Variants in DNAH14 observed in about 807,000 individuals in gnomAD.
The protein encoded by DNAH14 is dynein axonemal heavy chain 14.
Under a neutral mutation model 520.9 loss-of-function variants are expected in DNAH14, and 478 were observed. The observed-to-expected ratio is 0.92, with a 90% CI of 0.85 to 0.99. The LOEUF is 0.99. Among genes scored for constraint, DNAH14 ranks in the 50% least tolerant of loss-of-function variants. DNAH14 has a pLI of 0.00. For synonymous variants in DNAH14, 1,581 were observed against 1,757.2 expected, an observed-to-expected ratio of 0.90 and a Z score of 2.51; for missense variants, 4,831 against 5,234.5, an observed-to-expected ratio of 0.92 and a Z score of 2.38.
chr1:225,190,912 C>T (rs1451495667), intron 37 of DNAH14, among the ~76,000 whole-genome samples: 5 of 151,964 alleles, frequency 3.3e-5, no homozygotes, highest in Non-Finnish European at 7.4e-5. Context: ...ACTACCAATC[C>T]AGTAGAACTG....
intron 60 of DNAH14, among the ~76,000 whole-genome samples, chr1:225,314,418 C>T (rs1021517323): frequency 6.6e-6 from 1 of 152,186 alleles, no homozygotes; most frequent in Non-Finnish European, 1.5e-5. Flanking sequence ...TTAATTGGGG[C>T]ATTTAGCCCA....
intron 17 of DNAH14, among the ~76,000 whole-genome samples, chr1:225,052,618 A>G (rs1407956420): frequency 6.6e-6 from 1 of 152,212 alleles, no homozygotes; most frequent in African/African-American, 2.4e-5. Flanking sequence ...AGAAAATGCT[A>G]GCTGAAATAC....
chr1:224,952,810 T>G (rs553800146), intron 2 of DNAH14, 31 bp downstream of exon 2: 2 of 1,514,732 alleles, frequency 1.3e-6, no homozygotes, highest in East Asian at 2.4e-5. Flanking sequence ...AATGAGTTTT[T>G]TTCTAAAGTA....
At chr1:224,967,681 G>A in intron 6 of DNAH14, 98 bp downstream of exon 6, 3 of 1,598,422 alleles carry the variant, frequency 1.9e-6, no homozygotes, top group Non-Finnish European at 2.6e-6. Context: ...GTGTTTCAGA[G>A]ATACTTGGTC....
At chr1:225,025,334 A>ATG (rs1491527725) in intron 11 of DNAH14, among the ~76,000 whole-genome samples, 1 of 17,152 alleles carries the variant, frequency 5.8e-5, no homozygotes, top group African/African-American at 7.0e-5. Context: ...CTTATCTCAA[A>ATG]TATATATATA....
At chr1:225,389,645 A>G in intron 82 of DNAH14, 89 bp from the exon 83 acceptor site, 1 of 1,404,350 alleles carries the variant, frequency 7.1e-7, no homozygotes, top group Non-Finnish European at 9.6e-7. Context: ...AAAGTAAAAG[A>G]AGGGCCCTGG....
At chr1:225,089,077 T>G (rs1302206852) in intron 21 of DNAH14, among the ~76,000 whole-genome samples, 1 of 151,786 alleles carries the variant, frequency 6.6e-6, no homozygotes, top group Non-Finnish European at 1.5e-5. Flanking sequence ...CAGAAAAGTG[T>G]AGAGAAAGGA....
chr1:225,184,753 AAGAG>A (rs942040812), intron 36 of DNAH14, among the ~76,000 whole-genome samples: 40 of 151,926 alleles, frequency 2.6e-4, no homozygotes, highest in Admixed American at 5.2e-4. Context: ...TCTTAAAAAA[AAGAG>A]AGAGAGAGAG....
At chr1:225,085,985 TC>T (rs2073726108) in intron 21 of DNAH14, among the ~76,000 whole-genome samples, 196 bp downstream of exon 21, 1 of 152,066 alleles carries the variant, frequency 6.6e-6, no homozygotes, top group Non-Finnish European at 1.5e-5. Flanking sequence ...TGAGAAAATG[TC>T]AAAGTTTAAT....
intron 36 of DNAH14, among the ~76,000 whole-genome samples, chr1:225,183,054 A>AAG (rs36090741): frequency 0.15 from 23,441 of 152,166 alleles, 2,112 homozygotes; most frequent in East Asian, 0.36. Context: ...GTGCGGTGTG[A>AAG]AGAGACTCCT....
chr1:225,225,155 C>T (rs2090420015), intron 41 of DNAH14, among the ~76,000 whole-genome samples: 1 of 152,126 alleles, frequency 6.6e-6, no homozygotes, highest in South Asian at 2.1e-4. Flanking sequence ...ACTAGCTAAA[C>T]AAATTATCCT....
rs889901009 is a variant in DNAH14 at position 225,097,333 on chromosome 1, A to G, written c.3695+94A>G. 5 of 1,233,704 alleles carry G rather than the reference A, an allele frequency of 4.1e-6. No individual in the cohort carries two copies. In the African/African-American group the frequency reaches 4.5e-5, roughly 11 times the overall value. The allele number at this position is 1,233,704 out of a possible 1,614,324, so 76.4% of individuals were successfully genotyped here. A position where few individuals can be genotyped will look rare whatever the true frequency, so the allele number is the denominator to read the frequency against. ...TTGAGAAATCATTTCTTCAATGAAC[A>G]AACTATCTTATCCTACCTACAGACA... On this transcript the variant is annotated intron_variant, in intron 22 of 85. Transcript: ENST00000682510.
intron 58 of DNAH14, among the ~76,000 whole-genome samples, chr1:225,306,132 C>CAAGTATAGGCCTGACATTTACATAAGCA: frequency 6.6e-6 from 1 of 152,282 alleles, no homozygotes; most frequent in South Asian, 2.1e-4. Context: ...GTGCTGCAGG[C>CAAGTATAGGCCTGACATTTACATAAGCA]AAGTATAGGC....
chr1:225,217,886 C>G (rs917209179), intron 41 of DNAH14, among the ~76,000 whole-genome samples: 1 of 152,184 alleles, frequency 6.6e-6, no homozygotes, highest in African/African-American at 2.4e-5. Flanking sequence ...CCATGGGCTG[C>G]ACCTACTGTC....
At chr1:225,042,775 A>G (rs2067597574) in intron 12 of DNAH14, 60 bp from the exon 13 acceptor site, 3 of 1,483,288 alleles carry the variant, frequency 2.0e-6, no homozygotes, top group African/African-American at 2.8e-5. Flanking sequence ...TGTATTCTAA[A>G]TTAAATGTTC....
chr1:225,250,583 G>A (rs1305909241), intron 43 of DNAH14: 5 of 440,358 alleles, frequency 1.1e-5, no homozygotes, highest in Non-Finnish European at 2.1e-5. Context: ...AAAGGGAACT[G>A]GAAACGGTTT....
intron 43 of DNAH14, among the ~76,000 whole-genome samples, chr1:225,249,816 A>AT (rs1384204396): frequency 1.3e-5 from 2 of 152,224 alleles, no homozygotes; most frequent in Non-Finnish European, 2.9e-5. Flanking sequence ...TTCAATAAGC[A>AT]TTTTAAGAAA....
chr1:225,017,126 C>T (rs2065275346), intron 10 of DNAH14, among the ~76,000 whole-genome samples: 2 of 151,966 alleles, frequency 1.3e-5, no homozygotes, highest in Admixed American at 1.3e-4. Flanking sequence ...TTCAAGATGA[C>T]ATTCAGTATG....
At chr1:225,344,023 T>G (rs144341149) in intron 69 of DNAH14, among the ~76,000 whole-genome samples, 1 of 152,230 alleles carries the variant, frequency 6.6e-6, no homozygotes, top group East Asian at 1.9e-4. Flanking sequence ...ATTAGGGCAC[T>G]ATATGCTTTT....
Sources: gnomAD v4.1 joint callset for allele counts (sites outside exome capture counted in the v4.1 genomes callset) on GRCh38, gnomAD v4.1.1 for gene constraint, MANE v1.5 for transcripts, NCBI Gene and HGNC (gene_info 2026-07-23, HGNC 2026-07-21) for gene names.